GMDS: variants seen among roughly 807,000 people sequenced by gnomAD.
GMDS encodes GDP-mannose 4,6 dehydratase.
Under a neutral mutation model 49.9 loss-of-function variants are expected in GMDS, and 20 were observed. That is an observed-to-expected ratio of 0.40 (90% CI 0.28 to 0.58). The LOEUF is 0.58. Among genes scored for constraint, GMDS ranks in the 20% least tolerant of loss-of-function variants. GMDS has a pLI of 0.42. For synonymous variants in GMDS, 177 were observed against 178.6 expected (o/e 0.99, Z 0.07); for missense variants, 362 against 481.4 (o/e 0.75, Z 2.32).
chr6:2,066,716 A>C (rs1771619145), intron 4 of GMDS, among the ~76,000 whole-genome samples: 1 of 152,248 alleles, frequency 6.6e-6, no homozygotes, highest in Non-Finnish European at 1.5e-5. Flanking sequence ...AGAGCTAACT[A>C]TCCTAAATAT....
At chr6:1,742,386 G>A (rs1767308277) in intron 8 of GMDS, 82 bp downstream of exon 8, 2 of 757,858 alleles carry the variant, frequency 2.6e-6, no homozygotes, top group East Asian at 5.0e-5. Flanking sequence ...GGGGGAAGAT[G>A]ACAGCCAGAA....
intron 7 of GMDS, among the ~76,000 whole-genome samples, chr6:1,813,539 TA>T (rs1378909091): frequency 6.6e-6 from 1 of 152,156 alleles, no homozygotes; most frequent in Non-Finnish European, 1.5e-5. Context: ...GAAAGAATCA[TA>T]AAATTCCTAA....
At chr6:1,850,885 A>G (rs756130265) in intron 7 of GMDS, among the ~76,000 whole-genome samples, 1 of 152,156 alleles carries the variant, frequency 6.6e-6, no homozygotes, top group Non-Finnish European at 1.5e-5. Flanking sequence ...CTGGCAGCCC[A>G]CTGACTTGTG....
At chr6:2,152,519 T>C (rs943799550) in intron 1 of GMDS, among the ~76,000 whole-genome samples, 1 of 152,076 alleles carries the variant, frequency 6.6e-6, no homozygotes, top group Middle Eastern at 3.4e-3. Flanking sequence ...AGCAACAAAT[T>C]TGAACACTTA....
intron 6 of GMDS, among the ~76,000 whole-genome samples, chr6:1,949,680 T>A (rs1259185328): frequency 6.6e-6 from 1 of 152,190 alleles, no homozygotes; most frequent in Admixed American, 6.5e-5. Context: ...CTATGAAGTA[T>A]CATAGTCTAC....
intron 7 of GMDS, among the ~76,000 whole-genome samples, chr6:1,920,342 T>C (rs756433200): frequency 1.3e-5 from 2 of 152,234 alleles, no homozygotes; most frequent in Non-Finnish European, 2.9e-5. Flanking sequence ...CATGTAATTT[T>C]AGTCAATTAT....
At chr6:2,159,514 CTTTTTT>C (rs1157303919) in intron 1 of GMDS, among the ~76,000 whole-genome samples, 1 of 108,204 alleles carries the variant, frequency 9.2e-6, no homozygotes, top group South Asian at 3.2e-4. Flanking sequence ...TTCTTTTTTT[CTTTTTT>C]TTTTTTTTTT....
chr6:2,022,856 T>A (rs1768360393), intron 4 of GMDS, among the ~76,000 whole-genome samples: 1 of 152,180 alleles, frequency 6.6e-6, no homozygotes. Flanking sequence ...ACAGAGAACT[T>A]CCAAAACTCC....
At chr6:2,169,315 A>T (rs1777824791) in intron 1 of GMDS, among the ~76,000 whole-genome samples, 1 of 152,230 alleles carries the variant, frequency 6.6e-6, no homozygotes, top group Non-Finnish European at 1.5e-5. Context: ...TTCCTTCAAC[A>T]ACACTACATA....
At chr6:2,226,804 G>T (rs1183358870) in intron 1 of GMDS, among the ~76,000 whole-genome samples, 2 of 152,160 alleles carry the variant, frequency 1.3e-5, no homozygotes, top group Non-Finnish European at 2.9e-5. Context: ...TGCTAAGCTG[G>T]TTAACTAACA....
chr6:2,033,946 A>G (rs1054026503), intron 4 of GMDS, among the ~76,000 whole-genome samples: 1 of 152,228 alleles, frequency 6.6e-6, no homozygotes, highest in Non-Finnish European at 1.5e-5. Context: ...CATATAAAAG[A>G]ACCCATGGGG....
chr6:1,624,827 CT>C (rs551321002), intron 9 of GMDS: 9,073 of 83,136 alleles, frequency 0.11, 591 homozygotes, highest in Non-Finnish European at 0.13. Flanking sequence ...GCTCTTAATG[CT>C]TTTTTTTTTT....
At chr6:1,988,473 G>A (rs868100344) in intron 4 of GMDS, among the ~76,000 whole-genome samples, 4 of 152,098 alleles carry the variant, frequency 2.6e-5, no homozygotes, top group Non-Finnish European at 5.9e-5. Context: ...CGGTGGGGGC[G>A]AGGGGGGCTC....
At chr6:1,779,311 A>T (rs1768978493) in intron 7 of GMDS, among the ~76,000 whole-genome samples, 1 of 152,020 alleles carries the variant, frequency 6.6e-6, no homozygotes, top group Non-Finnish European at 1.5e-5. Flanking sequence ...TGGCCGGGGG[A>T]AGTATCCTGC....
At chr6:2,025,355 GGGGTGTGTGTGT>G (rs1768521490) in intron 4 of GMDS, among the ~76,000 whole-genome samples, 2 of 120,172 alleles carry the variant, frequency 1.7e-5, no homozygotes, top group African/African-American at 6.4e-5. Flanking sequence ...ATCTGATGGT[GGGGTGTGTGTGT>G]GTGTGTGTGT....
intron 1 of GMDS, among the ~76,000 whole-genome samples, chr6:2,160,809 G>C (rs1001768299): frequency 6.6e-6 from 1 of 151,988 alleles, no homozygotes. Context: ...TTACAGGCAT[G>C]AGCCACGACC....
chr6:2,202,634 T>C (rs909198414), intron 1 of GMDS, among the ~76,000 whole-genome samples: 2 of 152,100 alleles, frequency 1.3e-5, no homozygotes, highest in South Asian at 2.1e-4. Flanking sequence ...GCTCATAGGC[T>C]CAGAGACTGG....
intron 9 of GMDS, among the ~76,000 whole-genome samples, chr6:1,683,993 G>T (rs1027020226): frequency 1.5e-5 from 1 of 65,282 alleles, no homozygotes; most frequent in Non-Finnish European, 3.8e-5. Context: ...CCCTCTATCA[G>T]CTATGAGGGT....
chr6:2,154,234 T>C (rs1776990773), intron 1 of GMDS, among the ~76,000 whole-genome samples: 1 of 152,316 alleles, frequency 6.6e-6, no homozygotes, highest in Admixed American at 6.5e-5. Flanking sequence ...ATATTTAGTC[T>C]TTCTTCTTCA....
Sources: allele counts gnomAD v4.1 joint callset (sites outside exome capture counted in the v4.1 genomes callset), GRCh38; gene constraint gnomAD v4.1.1; transcripts MANE v1.5; gene names NCBI Gene and HGNC (gene_info 2026-07-23, HGNC 2026-07-21).